EIPR1: variants seen among roughly 807,000 people sequenced by gnomAD.
EIPR1 encodes EARP and GARP complex-interacting protein 1.
Under a neutral mutation model 48.1 loss-of-function variants are expected in EIPR1, and 25 were observed. The ratio of observed to expected loss-of-function variants is 0.52; its 90% confidence interval spans 0.38 to 0.73. EIPR1 has a LOEUF of 0.73. Ranked by LOEUF, EIPR1 falls within the 30% of genes least tolerant of loss-of-function variation. EIPR1 has a pLI of 0.00. For synonymous variants in EIPR1, 204 were observed against 201.9 expected (o/e 1.01, Z -0.09); for missense variants, 415 against 506.2 (o/e 0.82, Z 1.73).
rs769987987 is a variant in EIPR1, at chr2:3,256,888, G to A, written c.416+411C>T. On this transcript the variant is annotated intron_variant, in intron 4 of 8. Coordinates refer to ENST00000382125, the MANE Select transcript of EIPR1 (RefSeq NM_003310.5). ...GCACGCAGCCCCACAGGCACACCAC[G>A]CATTCATGCTTTGTCCACGGGAGGA... Among the ~76,000 whole-genome samples the A allele has an allele frequency of 2.8e-4, 42 of 152,338 alleles. 1 individual carries two copies. The highest frequency in any genetic ancestry group is 8.9e-4 in the African/African-American group (37 of 41,586).
At chr2:3,377,539 CG>C (rs1472964805) in intron 1 of EIPR1, 108 bp downstream of exon 1, 2 of 1,375,892 alleles carry the variant, frequency 1.5e-6, no homozygotes, top group Non-Finnish European at 2.0e-6. Context: ...GGAACAGACA[CG>C]GGTCCTTGCA....
chr2:3,231,713 T>C lies in EIPR1; in HGVS notation c.417-17465A>G, dbSNP rs1666248582. ...CCTTAATAATGGTATATAATCCTTT[T>C]ACTGTGCTGCTGTATTTGGTTTACT... On this transcript the variant is annotated intron_variant, in intron 4 of 8. Transcript: ENST00000382125. Among the ~76,000 whole-genome samples the C allele has an allele frequency of 2.0e-5, 3 of 152,234 alleles. No homozygotes were observed. In the South Asian group the frequency reaches 6.2e-4, roughly 32 times the overall value.
intron 4 of EIPR1, among the ~76,000 whole-genome samples, chr2:3,237,670 C>T (rs899903323): frequency 2.0e-5 from 3 of 152,110 alleles, no homozygotes; most frequent in African/African-American, 7.2e-5. Flanking sequence ...TTACATGGAA[C>T]GCGCTGAGAG....
chr2:3,348,734 C>T (rs13035035), intron 2 of EIPR1, among the ~76,000 whole-genome samples: 36,938 of 152,214 alleles, frequency 0.24, 4,758 homozygotes, highest in Non-Finnish European at 0.27. Flanking sequence ...TCCAGGGAAT[C>T]AACGACTGAA....
At chr2:3,314,080 G>C (rs1669211506) in intron 3 of EIPR1, among the ~76,000 whole-genome samples, 1 of 152,190 alleles carries the variant, frequency 6.6e-6, no homozygotes, top group Admixed American at 6.5e-5. Context: ...GGCGGATGCA[G>C]AGCACACACG....
At chr2:3,269,294 G>C (rs62121461) in intron 3 of EIPR1, among the ~76,000 whole-genome samples, 40,396 of 58,648 alleles carry the variant, frequency 0.69, 12,411 homozygotes, top group East Asian at 0.78. Flanking sequence ...ACTCAGTCAT[G>C]GCACTCAGTC....
chr2:3,240,941 TAAAG>T (rs1666597537), intron 4 of EIPR1, among the ~76,000 whole-genome samples: 1 of 47,470 alleles, frequency 2.1e-5, no homozygotes, highest in Non-Finnish European at 4.1e-5. Context: ...AGATCCTTCC[TAAAG>T]CAAAGCCAGC....
chr2:3,232,536 C>T (rs749311987), intron 4 of EIPR1, among the ~76,000 whole-genome samples: 7 of 152,080 alleles, frequency 4.6e-5, no homozygotes, highest in Non-Finnish European at 7.4e-5. Context: ...TTTTTGATCT[C>T]CTGTTTCAAT....
chr2:3,215,205 G>A (rs1023570588), intron 4 of EIPR1, among the ~76,000 whole-genome samples: 1 of 152,256 alleles, frequency 6.6e-6, no homozygotes, highest in African/African-American at 2.4e-5. Flanking sequence ...TGAGACGTGA[G>A]GGAGGCCTGT....
At chr2:3,339,933 G>C (rs1457148804) in intron 2 of EIPR1, among the ~76,000 whole-genome samples, 4 of 152,246 alleles carry the variant, frequency 2.6e-5, no homozygotes, top group Admixed American at 6.5e-5. Flanking sequence ...CTGGGCGACA[G>C]AGCGAGACTC....
At chr2:3,241,535 G>A (rs1230933293) in intron 4 of EIPR1, among the ~76,000 whole-genome samples, 2 of 152,178 alleles carry the variant, frequency 1.3e-5, no homozygotes, top group African/African-American at 4.8e-5. Flanking sequence ...TAGAATTTCT[G>A]CAATACTCGC....
In EIPR1 at chr2:3,242,308, T is replaced by A. The variant is rs4854111; in HGVS notation, c.416+14991A>T. On this transcript the variant is annotated intron_variant, in intron 4 of 8. Coordinates refer to ENST00000382125, the MANE Select transcript of EIPR1 (RefSeq NM_003310.5). ...GGCCCCTAACTCCACACCACACACCTGGCAGCAGCCACCGATGGCTGGAAG... is the reference window on the plus strand; with the variant it reads ...GGCCCCTAACTCCACACCACACACCAGGCAGCAGCCACCGATGGCTGGAAG... Among the ~76,000 whole-genome samples, 73 of 11,912 alleles carry A rather than the reference T, an allele frequency of 6.1e-3. 14 individuals are homozygous for A. Among genetic ancestry groups the A allele is most frequent in the Admixed American group, 0.019 (13 of 696 alleles). The allele number at this position is 11,912 out of a possible 152,430, so 7.8% of individuals were successfully genotyped here.
chr2:3,202,775 C>T (rs879903796), intron 5 of EIPR1, among the ~76,000 whole-genome samples: 16 of 152,184 alleles, frequency 1.1e-4, no homozygotes, highest in Admixed American at 5.9e-4. Context: ...AATGGAGCAC[C>T]GCTTGCGTCC....
At chr2:3,213,755 G>A (rs1665533388) in intron 5 of EIPR1, among the ~76,000 whole-genome samples, 1 of 152,180 alleles carries the variant, frequency 6.6e-6, no homozygotes, top group African/African-American at 2.4e-5. Flanking sequence ...TTTGATTGAT[G>A]ATTCAGTCTG....
chr2:3,189,695 C>G lies in EIPR1; in HGVS notation c.990-187G>C, dbSNP rs1279513555. Among the ~76,000 whole-genome samples the G allele has an allele frequency of 2.6e-5, 4 of 152,122 alleles. No homozygotes were observed. The highest frequency in any genetic ancestry group is 4.4e-5 in the Non-Finnish European group (3 of 68,018). On this transcript the variant is annotated intron_variant, in intron 8 of 8. Transcript: ENST00000382125. The surrounding 1 kb of genome is among the most constrained non-coding windows in gnomAD (Gnocchi z 4.6). ...GACGGTGGGGTGGTCCCTGCAGAAG[C>G]CCAGAAACCCTCACTGTCACTGTGA... is the stretch of plus-strand genomic sequence containing the variant.
chr2:3,296,039 TCA>T (rs1558280910), intron 3 of EIPR1, among the ~76,000 whole-genome samples: 2 of 51,796 alleles, frequency 3.9e-5, no homozygotes, highest in Admixed American at 2.5e-4. Context: ...TCCTCTCTAC[TCA>T]CACACACCCT....
At chr2:3,356,587 T>G (rs1272859556) in intron 1 of EIPR1, among the ~76,000 whole-genome samples, 3 of 152,152 alleles carry the variant, frequency 2.0e-5, no homozygotes, top group Non-Finnish European at 2.9e-5. Flanking sequence ...TCCATCCATA[T>G]CCACATTCTA....
At chr2:3,280,045 C>T (rs562064010) in intron 3 of EIPR1, among the ~76,000 whole-genome samples, 1 of 152,318 alleles carries the variant, frequency 6.6e-6, no homozygotes, top group Admixed American at 6.5e-5. Flanking sequence ...TGTATGATTT[C>T]TATGGAGCCC....
rs138996368 is a variant in EIPR1 at position 3,284,946 on chromosome 2, C to T, written c.260-27491G>A. 5.1e-4 allele frequency among the ~76,000 whole-genome samples: 78 copies of T among 152,242 alleles called. 1 individual carries two copies. The highest frequency in any genetic ancestry group is 1.7e-3 in the African/African-American group (72 of 41,540). ...CAGAACCACGTGACCCAGCAACTCTCCCCAAGAAAGAAGAACAGACGTGTA... is the reference window on the plus strand; with the variant it reads ...CAGAACCACGTGACCCAGCAACTCTTCCCAAGAAAGAAGAACAGACGTGTA... On this transcript the variant is annotated intron_variant, in intron 3 of 8. Transcript: ENST00000382125.
Sources: gnomAD v4.1 joint callset for allele counts (sites outside exome capture counted in the v4.1 genomes callset) on GRCh38, gnomAD v4.1.1 for gene constraint, Gnocchi (gnomAD v3.1) non-coding constraint, MANE v1.5 for transcripts, NCBI Gene and HGNC (gene_info 2026-07-23, HGNC 2026-07-21) for gene names.